BFSP1: variants seen among roughly 807,000 people sequenced by gnomAD.
BFSP1 encodes the protein beaded filament structural protein 1, also known as filensin.
BFSP1 carries 38 observed loss-of-function variants against 43.9 expected under a neutral mutation model. The observed-to-expected ratio is 0.87, with a 90% CI of 0.67 to 1.14. BFSP1 has a LOEUF of 1.14. BFSP1 is among the 50% of genes most tolerant of loss of function. The pLI, the probability that BFSP1 is intolerant of heterozygous loss-of-function variation, is 0.00. For synonymous variants in BFSP1, 352 were observed against 354.8 expected (o/e 0.99, Z 0.09); for missense variants, 850 against 875.1 (o/e 0.97, Z 0.36).
intron 1 of BFSP1, among the ~76,000 whole-genome samples, chr20:17,542,294 G>C (rs1359327459): frequency 2.0e-5 from 3 of 152,032 alleles, no homozygotes; most frequent in Admixed American, 2.0e-4. Context: ...TTCTCTCCTA[G>C]AAAGTCAGCT....
intron 6 of BFSP1, among the ~76,000 whole-genome samples, chr20:17,497,444 G>A (rs8183002): frequency 0.017 from 2,087 of 124,878 alleles, 52 homozygotes; most frequent in African/African-American, 0.052. Flanking sequence ...ATATATACGT[G>A]TATGTATATA....
intron 2 of BFSP1, among the ~76,000 whole-genome samples, chr20:17,522,398 G>C (rs890930178): frequency 6.6e-6 from 1 of 152,074 alleles, no homozygotes; most frequent in Non-Finnish European, 1.5e-5. Context: ...CTTGCACAAG[G>C]CCCTCCCCAG....
At chr20:17,520,675 C>T (rs1351620920) in intron 2 of BFSP1, among the ~76,000 whole-genome samples, 1 of 152,170 alleles carries the variant, frequency 6.6e-6, no homozygotes, top group Admixed American at 6.5e-5. Flanking sequence ...TCTCCCTTTG[C>T]ATTCATCCTG....
intron 1 of BFSP1, among the ~76,000 whole-genome samples, chr20:17,538,581 G>A (rs2034666729): frequency 6.6e-6 from 1 of 152,170 alleles, no homozygotes; most frequent in South Asian, 2.1e-4. Flanking sequence ...CACGGTAGGA[G>A]TTTTACACCT....
At chr20:17,533,949 A>G (rs1396939618), upstream of BFSP1, among the ~76,000 whole-genome samples, 5 of 152,198 alleles carry the variant, frequency 3.3e-5, no homozygotes, top group African/African-American at 1.2e-4. Context: ...ATGAAAACAC[A>G]AGATAATCTG....
chr20:17,533,817 ATT>A (rs955462434), upstream of BFSP1, among the ~76,000 whole-genome samples: 1 of 152,214 alleles, frequency 6.6e-6, no homozygotes, highest in African/African-American at 2.4e-5. Context: ...AATTCTTTCA[ATT>A]TAATCCAGTG....
At chr20:17,560,428 G>A (rs929018176), upstream of BFSP1, 2 of 152,198 alleles carry the variant, frequency 1.3e-5, no homozygotes, top group East Asian at 1.9e-4. Flanking sequence ...GCTGCACCAG[G>A]TAGGATCCTG....
intron 4 of BFSP1, among the ~76,000 whole-genome samples, chr20:17,511,188 G>A (rs902746870): frequency 9.2e-5 from 14 of 152,072 alleles, no homozygotes; most frequent in Admixed American, 5.2e-4. Context: ...TTACTATCCC[G>A]TTGAGCAGCT....
Position 17,509,008 on chromosome 20 carries a change from A to G in BFSP1, c.628-12T>C. 6.5e-7 allele frequency: 1 copy of G among 1,548,956 alleles called. No individual in the cohort carries two copies. The highest frequency in any genetic ancestry group is 8.7e-7 in the Non-Finnish European group (1 of 1,148,662). ...GTCAGGAGCTTCTCCTGCACAGAGAAGGCCAGAGTCAGACTCATGGGACAT... is the reference window on the plus strand; with the variant it reads ...GTCAGGAGCTTCTCCTGCACAGAGAGGGCCAGAGTCAGACTCATGGGACAT... On this transcript the variant is annotated splice_polypyrimidine_tract_variant and intron_variant, in intron 4 of 7. Coordinates refer to ENST00000377873, the MANE Select transcript of BFSP1 (RefSeq NM_001195.5).
chr20:17,546,797 A>T (rs963225777), intron 1 of BFSP1, among the ~76,000 whole-genome samples: 2 of 151,978 alleles, frequency 1.3e-5, no homozygotes, highest in Non-Finnish European at 2.9e-5. Flanking sequence ...AGGCCGAGGT[A>T]GGTGGATCTC....
At chr20:17,533,926 T>A (rs1169663637), upstream of BFSP1, among the ~76,000 whole-genome samples, 1 of 152,198 alleles carries the variant, frequency 6.6e-6, no homozygotes, top group Admixed American at 6.5e-5. Context: ...AGGAGGCGAA[T>A]CCATACTGAC....
intron 1 of BFSP1, among the ~76,000 whole-genome samples, chr20:17,542,604 GAA>G (rs371963946): frequency 6.8e-6 from 1 of 146,062 alleles, no homozygotes; most frequent in African/African-American, 2.5e-5. Flanking sequence ...ATCTTAAAAA[GAA>G]AAAAAAAAGT....
chr20:17,568,005 A>G (rs2035142305), intron 1 of BFSP1, among the ~76,000 whole-genome samples: 1 of 152,054 alleles, frequency 6.6e-6, no homozygotes, highest in Non-Finnish European at 1.5e-5. Context: ...TGGTAAGAGA[A>G]GTCTTCAGAT....
chr20:17,502,574 T>A (rs1212385273), intron 5 of BFSP1, among the ~76,000 whole-genome samples: 2 of 152,208 alleles, frequency 1.3e-5, no homozygotes, highest in Non-Finnish European at 2.9e-5. Context: ...TGCGACAGGA[T>A]CACTGTTAAT....
intron 1 of BFSP1, among the ~76,000 whole-genome samples, chr20:17,552,738 AAATCTGAAGCTGGAAG>A (rs987461975): frequency 1.3e-5 from 2 of 152,178 alleles, no homozygotes; most frequent in African/African-American, 4.8e-5. Context: ...GACAAGGATA[AAATCTGAAGCTGGAAG>A]GATGAAATTG....
intron 5 of BFSP1, among the ~76,000 whole-genome samples, chr20:17,500,254 G>A (rs2033763577): frequency 1.3e-5 from 2 of 152,194 alleles, no homozygotes; most frequent in African/African-American, 4.8e-5. Context: ...AAAATTAAGG[G>A]AGGAAAACAG....
At chr20:17,510,137 A>C (rs1197768910) in intron 4 of BFSP1, among the ~76,000 whole-genome samples, 1 of 152,218 alleles carries the variant, frequency 6.6e-6, no homozygotes, top group Non-Finnish European at 1.5e-5. Context: ...GTGCTTCTCT[A>C]TCCTGAGCAT....
upstream of BFSP1, chr20:17,531,489 G>A: frequency 9.1e-7 from 1 of 1,097,210 alleles, no homozygotes; most frequent in Non-Finnish European, 1.1e-6. Flanking sequence ...GCCCGGGCGC[G>A]GGAGAAGAAA....
At chr20:17,545,178 C>G (rs945981705) in intron 1 of BFSP1, among the ~76,000 whole-genome samples, 10 of 152,174 alleles carry the variant, frequency 6.6e-5, no homozygotes, top group Non-Finnish European at 1.5e-4. Flanking sequence ...AATTGCCTGA[C>G]TGACTTTCCA....
Sources: allele counts gnomAD v4.1 joint callset (sites outside exome capture counted in the v4.1 genomes callset), GRCh38; gene constraint gnomAD v4.1.1; transcripts MANE v1.5; gene names NCBI Gene and HGNC (gene_info 2026-07-23, HGNC 2026-07-21).